GLDC: variants seen among roughly 807,000 people sequenced by gnomAD.
GLDC encodes the protein glycine dehydrogenase (decarboxylating), mitochondrial.
In GLDC, 104 loss-of-function variants were observed where a neutral mutation model predicts 121.3. That is an observed-to-expected ratio of 0.86 (90% CI 0.73 to 1.01). The LOEUF (loss-of-function observed/expected upper bound fraction) is 1.01. GLDC is among the 50% of genes least tolerant of loss of function. The probability of loss-of-function intolerance (pLI) is 0.00; values close to 1 mark genes in which losing one functional copy is unlikely to be tolerated. For missense variants in GLDC, 1,429 were observed against 1,306.6 expected (o/e 1.09, Z -1.44); for synonymous variants, 546 against 480.6 (o/e 1.14, Z -1.78).
rs185896044 is a variant in GLDC, at chr9:6,618,309, T to C, written c.470+1875A>G. Among the ~76,000 whole-genome samples, 25 of 152,202 alleles carry C rather than the reference T, an allele frequency of 1.6e-4. No individual in the cohort carries two copies. In the East Asian group the frequency reaches 4.4e-3, roughly 27 times the overall value. Reference sequence around the variant, plus strand: ...CCTTTCCTCCTCCACAGTTAGACATTATATCCCAGTGAACAGCAGAGGCAG... The same window carrying C: ...CCTTTCCTCCTCCACAGTTAGACATCATATCCCAGTGAACAGCAGAGGCAG... On this transcript the variant is annotated intron_variant, in intron 3 of 24. Transcript: ENST00000321612.
intron 20 of GLDC, among the ~76,000 whole-genome samples, chr9:6,551,802 G>C (rs1280768492): frequency 2.0e-5 from 3 of 152,146 alleles, no homozygotes; most frequent in Admixed American, 6.5e-5. Flanking sequence ...TGTCATCTGG[G>C]AGTGGATGTA....
At chr9:6,587,347 T>A in intron 14 of GLDC, 64 bp from the exon 15 acceptor site, 1 of 1,204,216 alleles carries the variant, frequency 8.3e-7, no homozygotes, top group Non-Finnish European at 1.2e-6. Context: ...ATAATAACTT[T>A]AATAATAATG....
At position 6,605,758 on chromosome 9, in the gene GLDC, C is replaced by T. The variant is rs115813674; in HGVS notation, c.714-480G>A. 1.2e-3 allele frequency: 280 copies of T among 229,994 alleles called. 1 individual carries two copies. The highest frequency in any genetic ancestry group is 6.0e-3 in the African/African-American group (263 of 44,168). The allele number at this position is 229,994 out of a possible 1,614,324, so 14.2% of individuals were successfully genotyped here. A position where few individuals can be genotyped will look rare whatever the true frequency, so the allele number is the denominator to read the frequency against. On this transcript the variant is annotated intron_variant, in intron 5 of 24. Transcript: ENST00000321612. ...TATGGGTAGGGGGAAGAATGCTCAA[C>T]TTTTACAAAGGGAAAGCAAATATCT...
At chr9:6,541,078 G>C (rs914717131) in intron 21 of GLDC, 1 of 152,094 alleles carries the variant, frequency 6.6e-6, no homozygotes, top group Non-Finnish European at 1.5e-5. Flanking sequence ...GGTAATAGGG[G>C]CAAGACCCTG....
chr9:6,606,794 C>A (rs566425995), intron 4 of GLDC, 125 bp from the exon 5 acceptor site: 63 of 734,024 alleles, frequency 8.6e-5, no homozygotes, highest in Non-Finnish European at 1.4e-4. Context: ...CTGAGTAGGC[C>A]GGGTGCGGTG....
At chr9:6,612,133 C>T (rs1818869088) in intron 3 of GLDC, among the ~76,000 whole-genome samples, 3 of 151,932 alleles carry the variant, frequency 2.0e-5, no homozygotes, top group Non-Finnish European at 4.4e-5. Flanking sequence ...TTTACAGTTG[C>T]TAAGCCAGTC....
rs1424463240 is a variant in GLDC, at chr9:6,604,462, G to A, written c.1058+126C>T. 7 of 869,258 alleles carry A rather than the reference G, an allele frequency of 8.1e-6. No homozygotes were observed. In the Admixed American group the frequency reaches 1.3e-4, roughly 16 times the overall value. The allele number at this position is 869,258 out of a possible 1,614,324, so 53.8% of individuals were successfully genotyped here. A position where few individuals can be genotyped will look rare whatever the true frequency, so the allele number is the denominator to read the frequency against. The stretch of plus-strand genomic sequence containing the variant: ...AACAGAATTGTTCTTCTGAATCTAT[G>A]TTGTACATTTCCTTAACTGACTCAA... On this transcript the variant is annotated intron_variant, in intron 7 of 24. Transcript: ENST00000321612.
At chr9:6,583,375 C>G (rs906473871) in intron 15 of GLDC, among the ~76,000 whole-genome samples, 14 of 152,140 alleles carry the variant, frequency 9.2e-5, no homozygotes, top group African/African-American at 3.4e-4. Context: ...ATGAAATATT[C>G]CACCTTAAAA....
At chr9:6,542,576 A>C (rs1051097666) in intron 21 of GLDC, among the ~76,000 whole-genome samples, 1 of 151,944 alleles carries the variant, frequency 6.6e-6, no homozygotes, top group African/African-American at 2.4e-5. Flanking sequence ...ATAAACTGTA[A>C]GGAGTATGAT....
chr9:6,604,286 A>G (rs1224676444), intron 7 of GLDC, among the ~76,000 whole-genome samples: 2 of 152,192 alleles, frequency 1.3e-5, no homozygotes, highest in African/African-American at 2.4e-5. Flanking sequence ...AACTGTCGAG[A>G]CACAAAACAT....
At position 6,605,265 on chromosome 9, in the gene GLDC, G is replaced by C. The variant is rs1818706669; in HGVS notation, c.727C>G (p.Leu243Val). 6.2e-7 allele frequency: 1 copy of C among 1,613,806 alleles called. No homozygotes were observed. The highest frequency in any genetic ancestry group is 1.7e-5 in the Admixed American group (1 of 59,996). ...VQTRAKYTGV[L>V]TELKLPCEMD... ...TCACAGGGTAACTTCAGCTCAGTGA[G>C]GACTCCAGTATATCTGGAAAGACAG... Residue 243 changes from leucine (L) to valine (V), a missense_variant, in exon 6 of 25, where the codon CTC becomes GTC. Physicochemically the swap from Leu to Val is conservative, Grantham distance 32 (BLOSUM62 1). Coordinates refer to ENST00000321612, the MANE Select transcript of GLDC (RefSeq NM_000170.3).
At chr9:6,553,547 C>A (rs371570458) in intron 19 of GLDC, 38 bp from the exon 20 acceptor site, 17 of 1,606,504 alleles carry the variant, frequency 1.1e-5, no homozygotes, top group Non-Finnish European at 1.4e-5. Context: ...AAAATGTAAA[C>A]GATTCAGTTT....
At chr9:6,639,704 T>C in intron 2 of GLDC, 1 of 199,572 alleles carries the variant, frequency 5.0e-6, no homozygotes, top group Non-Finnish European at 9.2e-6. Context: ...AAACAGATTC[T>C]GCTGTGAGGG....
intron 2 of GLDC, among the ~76,000 whole-genome samples, chr9:6,635,808 G>A (rs552537426): frequency 5.9e-5 from 9 of 152,240 alleles, no homozygotes; most frequent in African/African-American, 1.2e-4. Context: ...CGGAGAGGTC[G>A]AGGTTGCACA....
Position 6,604,592 on chromosome 9 carries a change from T to C in GLDC, c.1054A>G (p.Thr352Ala), listed in dbSNP as rs370409839. 4 of 1,611,440 alleles carry C rather than the reference T, an allele frequency of 2.5e-6. No individual in the cohort carries two copies. The highest frequency in any genetic ancestry group is 3.4e-6 in the Non-Finnish European group (4 of 1,179,202). The change falls in exon 7 of 25, where the codon ACA becomes GCA. Residue 352 changes from threonine to alanine, a missense_variant. By Grantham distance (58) the Thr-to-Ala change is moderately conservative. Transcript: ENST00000321612. ...GAGAAACATGAGCCCCTTTACCTTG[T>C]TACCCCCACCATTCTTCCAGGCATC... ...RMMPGRMVGV[T>A]RDATGKEVYR...
intron 2 of GLDC, among the ~76,000 whole-genome samples, chr9:6,636,301 C>CT (rs982890556): frequency 4.8e-5 from 7 of 146,712 alleles, no homozygotes; most frequent in Admixed American, 2.7e-4. Flanking sequence ...GAGACTCCGT[C>CT]TCAAAAAAAA....
chr9:6,563,101 G>A (rs1449008005), intron 16 of GLDC, among the ~76,000 whole-genome samples: 1 of 152,174 alleles, frequency 6.6e-6, no homozygotes, highest in African/African-American at 2.4e-5. Flanking sequence ...AAGGGAAGGA[G>A]GACAGGAAAA....
At chr9:6,640,729 G>T (rs1209169454) in intron 2 of GLDC, among the ~76,000 whole-genome samples, 2 of 152,210 alleles carry the variant, frequency 1.3e-5, no homozygotes, top group African/African-American at 4.8e-5. Flanking sequence ...GTTCAGTCTA[G>T]TTGCCTTGAG....
chr9:6,594,868 AT>A (rs1818460496), intron 9 of GLDC, 145 bp downstream of exon 9: 1 of 675,374 alleles, frequency 1.5e-6, no homozygotes, highest in South Asian at 1.8e-5. Context: ...AAACAACAAA[AT>A]AATCATGGAT....
Sources: allele counts gnomAD v4.1 joint callset (sites outside exome capture counted in the v4.1 genomes callset), GRCh38; gene constraint gnomAD v4.1.1; transcripts MANE v1.5; gene names NCBI Gene and HGNC (gene_info 2026-07-23, HGNC 2026-07-21).